The following GFOD1 variants were observed in gnomAD, a reference collection of about 807,000 sequenced individuals.
The protein encoded by GFOD1 is Gfo/Idh/MocA-like oxidoreductase domain containing 1, also known as glucose-fructose oxidoreductase domain-containing protein 1.
GFOD1 carries 9 observed loss-of-function variants against 25.4 expected under a neutral mutation model. The ratio of observed to expected loss-of-function variants is 0.35; its 90% CI spans 0.21 to 0.62. The LOEUF (loss-of-function observed/expected upper bound fraction) is 0.62, where lower values mean the gene tolerates loss of function less well. GFOD1 is among the 20% of genes least tolerant of loss of function. The pLI is 0.72. For missense variants in GFOD1, 403 were observed against 556.9 expected, an observed-to-expected ratio of 0.72 and a Z score of 2.78; for synonymous variants, 253 against 245.6, an observed-to-expected ratio of 1.03 and a Z score of -0.28.
intron 1 of GFOD1, among the ~76,000 whole-genome samples, chr6:13,389,154 C>T (rs969681167): frequency 6.6e-6 from 1 of 152,226 alleles, no homozygotes; most frequent in African/African-American, 2.4e-5. Context: ...GAAACTTTTA[C>T]ACTGTTGGTG....
intron 1 of GFOD1, among the ~76,000 whole-genome samples, chr6:13,471,588 T>C (rs977652702): frequency 1.2e-4 from 18 of 152,186 alleles, no homozygotes; most frequent in Non-Finnish European, 2.4e-4. Flanking sequence ...TCCTTACTAA[T>C]AAATCCAGAA....
chr6:13,380,961 C>T (rs1420079187), intron 1 of GFOD1, among the ~76,000 whole-genome samples: 1 of 152,198 alleles, frequency 6.6e-6, no homozygotes, highest in African/African-American at 2.4e-5. Flanking sequence ...CAGCAGATTT[C>T]TTCCCTCCTA....
intron 1 of GFOD1, among the ~76,000 whole-genome samples, chr6:13,472,619 C>T (rs1758534178): frequency 6.6e-6 from 1 of 152,194 alleles, no homozygotes; most frequent in Non-Finnish European, 1.5e-5. Flanking sequence ...CAACCCCGGG[C>T]AGTGCCCACA....
chr6:13,365,782 T>C lies in GFOD1; in HGVS notation c.254-120A>G, dbSNP rs1785033211. On this transcript the variant is annotated intron_variant, in intron 1 of 1. Transcript: ENST00000379287. This position sits in a 1 kb window ranked among gnomAD's most constrained non-coding sequence, Gnocchi z 9.2. The stretch of plus-strand genomic sequence containing the variant: ...AAAGAAGGTCAGATGTGGTGGCTCA[T>C]GCCTGTTGTCCCAGCACTTTGGGAG... The C allele has an allele frequency of 2.4e-6, 2 of 818,782 alleles. No individual in the cohort carries two copies. Among genetic ancestry groups the C allele is most frequent in the South Asian group, 1.8e-5 (1 of 56,376 alleles). 50.7% of individuals were successfully genotyped at this position (818,782 alleles called of 1,614,324 possible). A position where few individuals can be genotyped will look rare whatever the true frequency, so the allele number is the denominator to read the frequency against.
At chr6:13,412,115 C>T (rs1786087374) in intron 1 of GFOD1, among the ~76,000 whole-genome samples, 1 of 152,222 alleles carries the variant, frequency 6.6e-6, no homozygotes, top group South Asian at 2.1e-4. Context: ...TAGACTGCCA[C>T]TTAGTACATT....
intron 1 of GFOD1, among the ~76,000 whole-genome samples, chr6:13,371,325 C>T (rs935383917): frequency 6.6e-6 from 1 of 152,304 alleles, no homozygotes; most frequent in South Asian, 2.1e-4. Flanking sequence ...AGGCCATCTG[C>T]ACTTTCTTAC....
chr6:13,472,055 GA>G, intron 1 of GFOD1: 1 of 164,662 alleles, frequency 6.1e-6, no homozygotes, highest in Non-Finnish European at 1.3e-5. Context: ...GGCAGCAAGA[GA>G]AAATGAGGGA....
intron 1 of GFOD1, among the ~76,000 whole-genome samples, chr6:13,384,340 T>C (rs1785424355): frequency 6.6e-6 from 1 of 152,256 alleles, no homozygotes; most frequent in African/African-American, 2.4e-5. Flanking sequence ...TACTTATTGT[T>C]TGGACTTAGT....
Position 13,360,354 on chromosome 6 carries a change from A to T in GFOD1, c.*4389T>A, listed in dbSNP as rs1179321013. On this transcript the variant is annotated 3_prime_UTR_variant, in exon 2 of 2. Coordinates refer to ENST00000379287, the MANE Select transcript of GFOD1 (RefSeq NM_018988.4). ...GATCAGAAACCCAACTTATGATCAC[A>T]GGCCAAATTCAATAGCTGTGGCTAT... The T allele has an allele frequency of 3.6e-6, 1 of 275,076 alleles. No homozygotes were observed. The highest frequency in any genetic ancestry group is 7.2e-6 in the Non-Finnish European group (1 of 138,890). 17.0% of individuals were successfully genotyped at this position (275,076 alleles called of 1,614,324 possible). A position where few individuals can be genotyped will look rare whatever the true frequency, so the allele number is the denominator to read the frequency against.
chr6:13,469,805 A>G, intron 1 of GFOD1: 3 of 1,111,680 alleles, frequency 2.7e-6, no homozygotes, highest in Non-Finnish European at 3.6e-6. Flanking sequence ...TCTCACTTGT[A>G]AGATGGAGAT....
At chr6:13,413,353 T>C (rs977031265) in intron 1 of GFOD1, among the ~76,000 whole-genome samples, 1 of 152,134 alleles carries the variant, frequency 6.6e-6, no homozygotes, top group Admixed American at 6.5e-5. Flanking sequence ...TCCAGTTTTC[T>C]CTCCTGCCAC....
At chr6:13,429,978 G>T (rs1374987194) in intron 1 of GFOD1, among the ~76,000 whole-genome samples, 1 of 152,098 alleles carries the variant, frequency 6.6e-6, no homozygotes, top group Admixed American at 6.6e-5. Flanking sequence ...ACTTCCTGAT[G>T]AAGAAGTGAA....
At chr6:13,440,329 T>C (rs1460936765) in intron 1 of GFOD1, among the ~76,000 whole-genome samples, 2 of 151,970 alleles carry the variant, frequency 1.3e-5, no homozygotes, top group African/African-American at 2.4e-5. Context: ...GCTGGGATTA[T>C]AGGCACCCAC....
rs903595742 is a variant in GFOD1 at position 13,359,379 on chromosome 6, T to A, written c.*5364A>T. ...GCCTCTGCTCTGTAAACTCCAAGGC[T>A]CTGATGGCCAAAAACGTAGGCGGTG... On this transcript the variant is annotated 3_prime_UTR_variant, in exon 2 of 2. Coordinates refer to ENST00000379287, the MANE Select transcript of GFOD1 (RefSeq NM_018988.4). 7 of 152,122 alleles carry A rather than the reference T, an allele frequency of 4.6e-5. No individual in the cohort carries two copies. The highest frequency in any genetic ancestry group is 1.0e-4 in the Non-Finnish European group (7 of 68,038). 9.4% of individuals were successfully genotyped at this position (152,122 alleles called of 1,614,324 possible).
chr6:13,395,744 T>A (rs1026708483), intron 1 of GFOD1, among the ~76,000 whole-genome samples: 4 of 152,238 alleles, frequency 2.6e-5, no homozygotes, highest in Non-Finnish European at 4.4e-5. Context: ...CCCTGGTCTT[T>A]GTTCCCACTG....
intron 1 of GFOD1, among the ~76,000 whole-genome samples, chr6:13,370,054 G>C (rs938469307): frequency 1.1e-4 from 16 of 152,136 alleles, no homozygotes; most frequent in African/African-American, 3.4e-4. Flanking sequence ...ACCTTTGAAG[G>C]ACAGCACTCA....
chr6:13,408,562 A>G (rs478630), intron 1 of GFOD1, among the ~76,000 whole-genome samples: 87,054 of 151,946 alleles, frequency 0.57, 28,767 homozygotes, highest in Non-Finnish European at 0.73. Flanking sequence ...TAGGCCAGTG[A>G]GTCAAAATAA....
intron 1 of GFOD1, among the ~76,000 whole-genome samples, chr6:13,423,681 G>A (rs920656632): frequency 1.1e-4 from 17 of 152,142 alleles, no homozygotes; most frequent in African/African-American, 4.1e-4. Context: ...TAGCAGAACC[G>A]GGGGTGGGCC....
intron 1 of GFOD1, chr6:13,408,213 T>A: frequency 2.3e-6 from 1 of 427,852 alleles, no homozygotes; most frequent in Non-Finnish European, 3.1e-6. Flanking sequence ...TGGGCCAGAC[T>A]ATGGCAGGCA....
Sources: allele counts gnomAD v4.1 joint callset (sites outside exome capture counted in the v4.1 genomes callset), GRCh38; gene constraint gnomAD v4.1.1; non-coding constraint Gnocchi (gnomAD v3.1); transcripts MANE v1.5; gene names NCBI Gene and HGNC (gene_info 2026-07-23, HGNC 2026-07-21).